MTMR4: variants seen among roughly 807,000 people sequenced by gnomAD.
The protein encoded by MTMR4 is phosphatidylinositol-3,5-bisphosphate 3-phosphatase MTMR4.
Under a neutral mutation model 125.5 loss-of-function variants are expected in MTMR4, and 30 were observed. The ratio of observed to expected loss-of-function variants is 0.24; its 90% CI spans 0.18 to 0.32. The LOEUF is 0.32. MTMR4 is among the 10% of genes least tolerant of loss of function. The probability of loss-of-function intolerance (pLI) is 1.00; values close to 1 mark genes in which losing one functional copy is unlikely to be tolerated. For missense variants in MTMR4, 1,039 were observed against 1,511.5 expected (o/e 0.69, Z 5.18); for synonymous variants, 498 against 564.5 (o/e 0.88, Z 1.67).
intron 14 of MTMR4, among the ~76,000 whole-genome samples, chr17:58,496,662 C>T (rs1396551153): frequency 6.6e-6 from 1 of 152,210 alleles, no homozygotes; most frequent in African/African-American, 2.4e-5. Context: ...CCTTCTGAAT[C>T]TACTGTTCCA....
chr17:58,513,272 C>G (rs766134683), intron 1 of MTMR4, among the ~76,000 whole-genome samples: 2 of 152,138 alleles, frequency 1.3e-5, no homozygotes, highest in African/African-American at 4.8e-5. Flanking sequence ...CCCTTAGACC[C>G]GCATAAGGGT....
rs772637271 is a variant in MTMR4, at chr17:58,495,256, A to T, written c.2928T>A (p.Pro976=). The part of the protein sequence containing the change: ...QWAQREGVKS[P]VCSSHSNGHC... ...GTCCATTGGAATGACTAGAACAGAC[A>T]GGTGACTTCACACCTTCTCTCTGAG... Residue 976 remains proline (P), a synonymous_variant, in exon 15 of 18, where the codon CCT becomes CCA. Transcript: ENST00000682306. The T allele has an allele frequency of 6.2e-7, 1 of 1,614,202 alleles. No homozygotes were observed. The highest frequency in any genetic ancestry group is 8.5e-7 in the Non-Finnish European group (1 of 1,180,050).
chr17:58,505,205 C>G (rs988155831), intron 10 of MTMR4, among the ~76,000 whole-genome samples: 7 of 152,216 alleles, frequency 4.6e-5, no homozygotes, highest in African/African-American at 1.7e-4. Flanking sequence ...GCATCACATG[C>G]ACACTCAGCC....
chr17:58,504,336 G>C lies in MTMR4; in HGVS notation c.1494C>G (p.Phe498Leu). ...LDSVHQLLKQ[F>L]PCLFEFNEAF... ...CTTCATTAAATTCAAACAGGCAGGG[G>C]AACTGCTTAAGCAACTGATGAACAG... The change falls in exon 12 of 18, where the codon TTC becomes TTG. Residue 498 changes from phenylalanine (F) to leucine (L), a missense_variant. Transcript: ENST00000682306. This position sits in a 1 kb window ranked among gnomAD's most constrained non-coding sequence, Gnocchi z 7.1. 1 of 1,614,046 alleles carries C rather than the reference G, an allele frequency of 6.2e-7. No homozygotes were observed. The highest frequency in any genetic ancestry group is 8.5e-7 in the Non-Finnish European group (1 of 1,179,970).
intron 14 of MTMR4, 49 bp from the exon 15 acceptor site, chr17:58,496,379 A>G: frequency 6.9e-7 from 1 of 1,451,272 alleles, no homozygotes; most frequent in Non-Finnish European, 9.4e-7. Context: ...GGCACTTGCA[A>G]TACAATATAT....
In MTMR4 at chr17:58,503,788, G is replaced by A. The variant is rs1445977778; in HGVS notation, c.1809C>T (p.Ser603=). 10 of 1,614,036 alleles carry A rather than the reference G, an allele frequency of 6.2e-6. No homozygotes were observed. The highest frequency in any genetic ancestry group is 5.3e-5 in the African/African-American group (4 of 74,916). ...LGEENMDLYL[S]PVAQSQEFSG... Reference sequence around the variant, plus strand: ...AGAACTCCTGGCTCTGGGCCACTGGGGAAAGGTAAAGATCCATGTTTTCTT... The same window carrying A: ...AGAACTCCTGGCTCTGGGCCACTGGAGAAAGGTAAAGATCCATGTTTTCTT... Residue 603 remains serine, a synonymous_variant, in exon 14 of 18, where the codon TCC becomes TCT. Coordinates refer to ENST00000682306, the MANE Select transcript of MTMR4 (RefSeq NM_001378067.1).
rs1975738965 is a variant in MTMR4, at chr17:58,504,968, C to T, written c.1152G>A (p.Leu384=). The T allele has an allele frequency of 1.3e-6, 2 of 1,598,630 alleles. No individual in the cohort carries two copies. Among genetic ancestry groups the T allele is most frequent in the Non-Finnish European group, 8.5e-7 (1 of 1,170,992 alleles). Residue 384 remains leucine (L), a synonymous_variant, in exon 11 of 18, where the codon TTG becomes TTA. Coordinates refer to ENST00000682306, the MANE Select transcript of MTMR4 (RefSeq NM_001378067.1). The surrounding 1 kb of genome is among the most constrained non-coding windows in gnomAD (Gnocchi z 7.1). ...CSQMPDPSNW[L]SALESTKWLQ... Reference sequence around the variant, plus strand: ...GCCATTTGGTACTCTCCAGTGCCGACAACCAGCTACACAAAAGCAGACATC... The same window carrying T: ...GCCATTTGGTACTCTCCAGTGCCGATAACCAGCTACACAAAAGCAGACATC...
rs1324288076 is a variant in MTMR4 at position 58,495,286 on chromosome 17, C to A, written c.2898G>T (p.Gln966His). 1 of 1,614,100 alleles carries A rather than the reference C, an allele frequency of 6.2e-7. No individual in the cohort carries two copies. Among genetic ancestry groups the A allele is most frequent in the Non-Finnish European group, 8.5e-7 (1 of 1,180,052 alleles). Reference protein sequence around the residue: ...MRATGPCFGGQWAQREGVKSP... With the variant: ...MRATGPCFGGHWAQREGVKSP... ...ACTTCACACCTTCTCTCTGAGCCCA[C>A]TGGCCCCCAAAGCAGGGCCCTGTGG... The change falls in exon 15 of 18, where the codon CAG (glutamine) becomes CAT (histidine). Residue 966 changes from glutamine to histidine, a missense_variant. By Grantham distance (24) the Gln-to-His change is conservative (BLOSUM62 0). This residue lies in a region of MTMR4 where 619 missense variants were observed against 714.5 expected (regional missense o/e 0.87). Coordinates refer to ENST00000682306, the MANE Select transcript of MTMR4 (RefSeq NM_001378067.1).
chr17:58,495,462 G>T lies in MTMR4; in HGVS notation c.2722C>A (p.Gln908Lys). The change falls in exon 15 of 18, where the codon CAG becomes AAG. Residue 908 changes from glutamine (Q) to lysine (K), a missense_variant. Around this residue, in one of 6 missense-constraint regions of MTMR4, gnomAD observed 619 missense variants for 714.5 expected, o/e 0.87. Coordinates refer to ENST00000682306, the MANE Select transcript of MTMR4 (RefSeq NM_001378067.1). ...PLELVRKPIS[Q>K]SQISEFSFLG... ...AAAGAGAACTCACTGATCTGGCTCTGAGAAATTGGCTTCCGGACCAATTCC... is the reference window on the plus strand; with the variant it reads ...AAAGAGAACTCACTGATCTGGCTCTTAGAAATTGGCTTCCGGACCAATTCC... 1 of 1,614,266 alleles carries T rather than the reference G, an allele frequency of 6.2e-7. No individual in the cohort carries two copies.
chr17:58,509,203 T>G (rs1050587696), intron 4 of MTMR4, among the ~76,000 whole-genome samples: 5 of 151,888 alleles, frequency 3.3e-5, no homozygotes, highest in Admixed American at 1.3e-4. Flanking sequence ...AACTCAAACC[T>G]TCTGCTTCAG....
rs552848958 is a variant in MTMR4, at chr17:58,498,603, T to G, written c.1854-2273A>C. ...AGGAGAAGAAGAAGGACATTTTTGA[T>G]CTAGGGAAAGGTAGAATCAAAGGTA... is the stretch of plus-strand genomic sequence containing the variant. On this transcript the variant is annotated intron_variant, in intron 14 of 17. Transcript: ENST00000682306. Among the ~76,000 whole-genome samples, 14 of 147,562 alleles carry G rather than the reference T, an allele frequency of 9.5e-5. No homozygotes were observed. In the East Asian group the frequency reaches 1.8e-3, roughly 19 times the overall value.
rs775714338 is a variant in MTMR4 at position 58,495,764 on chromosome 17, G to C, written c.2420C>G (p.Ala807Gly). 3.7e-6 allele frequency: 6 copies of C among 1,614,104 alleles called. No individual in the cohort carries two copies. The highest frequency in any genetic ancestry group is 3.3e-5 in the Admixed American group (2 of 60,020). Residue 807 changes from alanine (A) to glycine (G), a missense_variant, in exon 15 of 18, where the codon GCC (alanine) becomes GGC (glycine). Ala to Gly is a moderately conservative substitution (Grantham distance 60). This residue lies in a region of MTMR4 where 619 missense variants were observed against 714.5 expected (regional missense o/e 0.87). Coordinates refer to ENST00000682306, the MANE Select transcript of MTMR4 (RefSeq NM_001378067.1). ...CACACCTAGCATGGAGTCTGGCTGGGCCTGTTGGGGCGTACCTGTAGGAGA... is the reference window on the plus strand; with the variant it reads ...CACACCTAGCATGGAGTCTGGCTGGCCCTGTTGGGGCGTACCTGTAGGAGA... ...QNSPTGTPQQ[A>G]QPDSMLGVPS...
intron 14 of MTMR4, among the ~76,000 whole-genome samples, chr17:58,498,569 G>C (rs1434036430): frequency 7.7e-6 from 1 of 130,522 alleles, no homozygotes; most frequent in Non-Finnish European, 1.7e-5. Context: ...GGGGAGGAGG[G>C]GGAGAAGAAG....
rs1975960938 is a variant in MTMR4 at position 58,512,542 on chromosome 17, G to A, written c.136-36C>T. 1 of 1,510,196 alleles carries A rather than the reference G, an allele frequency of 6.6e-7. No homozygotes were observed. Among genetic ancestry groups the A allele is most frequent in the Non-Finnish European group, 9.2e-7 (1 of 1,086,346 alleles). The allele number at this position is 1,510,196 out of a possible 1,614,324, so 93.5% of individuals were successfully genotyped here. A position where few individuals can be genotyped will look rare whatever the true frequency, so the allele number is the denominator to read the frequency against. On this transcript the variant is annotated intron_variant, in intron 2 of 17. Transcript: ENST00000682306. The surrounding 1 kb of genome is among the most constrained non-coding windows in gnomAD (Gnocchi z 4.1). ...GCAGAGAAACCTTCAGTCCAGAAGTGAGTGACCACCTTATCCTCTTCTACA... is the reference window on the plus strand; with the variant it reads ...GCAGAGAAACCTTCAGTCCAGAAGTAAGTGACCACCTTATCCTCTTCTACA...
chr17:58,516,656 C>T, upstream of MTMR4: 1 of 1,561,638 alleles, frequency 6.4e-7, no homozygotes, highest in Non-Finnish European at 8.8e-7. Flanking sequence ...TAAAGGACCC[C>T]ATTAACATTA....
chr17:58,510,295 G>C (rs531305328), intron 4 of MTMR4, among the ~76,000 whole-genome samples: 1 of 152,128 alleles, frequency 6.6e-6, no homozygotes, highest in East Asian at 1.9e-4. Context: ...TCACCCACAC[G>C]TGCTCTACTC....
In MTMR4 at chr17:58,495,675, G is replaced by C. The variant is rs766077885; in HGVS notation, c.2509C>G (p.Gln837Glu). The C allele has an allele frequency of 6.2e-7, 1 of 1,614,196 alleles. No homozygotes were observed. The highest frequency in any genetic ancestry group is 2.2e-5 in the East Asian group (1 of 44,890). Residue 837 changes from glutamine (Q) to glutamate (E), a missense_variant, in exon 15 of 18, where the codon CAA (glutamine) becomes GAA (glutamate). Physicochemically the swap from Gln to Glu is conservative, Grantham distance 29. Around this residue, in one of 6 missense-constraint regions of MTMR4, gnomAD observed 619 missense variants for 714.5 expected, o/e 0.87. Coordinates refer to ENST00000682306, the MANE Select transcript of MTMR4 (RefSeq NM_001378067.1). ...TVCNPPSAAC[Q>E]TPLDPSTDFL... ...TCAGTGCTTGGGTCTAGAGGAGTTT[G>C]GCAGGCAGCACTCGGTGGGTTGCAA... is the stretch of plus-strand genomic sequence containing the variant.
chr17:58,504,881 T>C lies in MTMR4; in HGVS notation c.1239A>G (p.Glu413=), dbSNP rs917196006. The change falls in exon 11 of 18, where the codon GAA becomes GAG. Residue 413 remains glutamate, a synonymous_variant. Transcript: ENST00000682306. This position sits in a 1 kb window ranked among gnomAD's most constrained non-coding sequence, Gnocchi z 7.1. Reference sequence around the variant, plus strand: ...AGCAGTGTACCAGCACAGGCCGGCCTTCCCGGTCTACTGTATTAGCCACCA... The same window carrying C: ...AGCAGTGTACCAGCACAGGCCGGCCCTCCCGGTCTACTGTATTAGCCACCA... ...AVLVANTVDR[E]GRPVLVHCSD... is the part of the protein sequence containing the mutation. The C allele has an allele frequency of 6.2e-7, 1 of 1,614,228 alleles. No homozygotes were observed. The highest frequency in any genetic ancestry group is 1.1e-5 in the South Asian group (1 of 91,088).
At chr17:58,518,193 T>C (rs2042046360), upstream of MTMR4, among the ~76,000 whole-genome samples, 4 of 152,208 alleles carry the variant, frequency 2.6e-5, no homozygotes, top group Admixed American at 2.0e-4. Context: ...AGGGGGCTGC[T>C]GGCCACTGCT....
Sources: allele counts gnomAD v4.1 joint callset (sites outside exome capture counted in the v4.1 genomes callset), GRCh38; gene constraint gnomAD v4.1.1; regional missense constraint gnomAD v4.1.1; non-coding constraint Gnocchi (gnomAD v3.1); transcripts MANE v1.5; gene names NCBI Gene and HGNC (gene_info 2026-07-23, HGNC 2026-07-21).